PPP3CA: variants seen among roughly 807,000 people sequenced by gnomAD.
PPP3CA encodes the protein protein phosphatase 3 catalytic subunit alpha.
PPP3CA carries 14 observed loss-of-function variants against 66.5 expected under a neutral mutation model. The observed-to-expected ratio is 0.21, with a 90% CI of 0.14 to 0.33. The LOEUF is 0.33. PPP3CA is among the 10% of genes least tolerant of loss of function. The pLI is 1.00. For synonymous variants in PPP3CA, 232 were observed against 226.2 expected (o/e 1.03, Z -0.23); for missense variants, 317 against 639.5 (o/e 0.50, Z 5.44).
At chr4:101,309,637 A>C (rs1206524844) in intron 1 of PPP3CA, among the ~76,000 whole-genome samples, 2 of 152,160 alleles carry the variant, frequency 1.3e-5, no homozygotes, top group Non-Finnish European at 2.9e-5. Context: ...AAACAGAAAA[A>C]TATATATCTG....
intron 2 of PPP3CA, among the ~76,000 whole-genome samples, chr4:101,148,393 C>A (rs1723033800): frequency 6.6e-6 from 1 of 151,866 alleles, no homozygotes; most frequent in African/African-American, 2.4e-5. Flanking sequence ...AACTCAGTTG[C>A]CGTAGTTAGG....
intron 1 of PPP3CA, among the ~76,000 whole-genome samples, chr4:101,238,811 A>G (rs1367236937): frequency 6.6e-6 from 1 of 152,190 alleles, no homozygotes; most frequent in East Asian, 1.9e-4. Context: ...CCTACCCTTC[A>G]ACTAGCCTTC....
chr4:101,137,983 T>C (rs1410476719), intron 2 of PPP3CA, among the ~76,000 whole-genome samples: 1 of 152,010 alleles, frequency 6.6e-6, no homozygotes, highest in African/African-American at 2.4e-5. Flanking sequence ...ATAAAACAGG[T>C]CACTAACAAG....
intron 11 of PPP3CA, among the ~76,000 whole-genome samples, chr4:101,032,577 A>T (rs918840464): frequency 6.6e-5 from 10 of 152,130 alleles, no homozygotes; most frequent in African/African-American, 2.2e-4. Context: ...TAAAGTTTAC[A>T]TTATCCAATT....
intron 8 of PPP3CA, among the ~76,000 whole-genome samples, chr4:101,066,625 TAGTA>T (rs1449027082): frequency 6.6e-6 from 1 of 152,060 alleles, no homozygotes; most frequent in Non-Finnish European, 1.5e-5. Flanking sequence ...AACCTTACAT[TAGTA>T]AGTTACTCAA....
At chr4:101,029,487 CACTT>C (rs200861595) in intron 12 of PPP3CA, among the ~76,000 whole-genome samples, 1 of 149,998 alleles carries the variant, frequency 6.7e-6, no homozygotes, top group East Asian at 2.0e-4. Context: ...TTTAGGAAAA[CACTT>C]AGGAAAATTT....
At chr4:101,315,140 T>C (rs1004746961) in intron 1 of PPP3CA, among the ~76,000 whole-genome samples, 1 of 152,088 alleles carries the variant, frequency 6.6e-6, no homozygotes, top group African/African-American at 2.4e-5. Flanking sequence ...GGGATTCACG[T>C]CTTTAAAAAA....
intron 1 of PPP3CA, among the ~76,000 whole-genome samples, chr4:101,211,239 G>C (rs1725288958): frequency 6.6e-6 from 1 of 152,140 alleles, no homozygotes; most frequent in Non-Finnish European, 1.5e-5. Flanking sequence ...CTGTAGATAA[G>C]TGACTCATCC....
chr4:101,202,330 T>C (rs1724993665), intron 1 of PPP3CA, among the ~76,000 whole-genome samples: 1 of 152,194 alleles, frequency 6.6e-6, no homozygotes, highest in Non-Finnish European at 1.5e-5. Context: ...ATACGTGAAT[T>C]CTGATTCTAC....
chr4:101,252,913 G>C (rs1342221005), intron 1 of PPP3CA, among the ~76,000 whole-genome samples: 1 of 152,148 alleles, frequency 6.6e-6, no homozygotes, highest in East Asian at 1.9e-4. Flanking sequence ...GGAGAAGCAA[G>C]GCTGTTAGCC....
intron 1 of PPP3CA, among the ~76,000 whole-genome samples, chr4:101,343,715 C>A (rs1446843341): frequency 6.6e-6 from 1 of 152,128 alleles, no homozygotes; most frequent in Non-Finnish European, 1.5e-5. Context: ...CCATCATTCT[C>A]TTTCATTTTT....
In PPP3CA at chr4:101,023,814, G is replaced by A. The variant is rs1726493205; in HGVS notation, c.*2051C>T. ...GGCATACTTTATTATATAAAACAAA[G>A]TGCACTAAAGATGAACAATGTTACA... On this transcript the variant is annotated 3_prime_UTR_variant, in exon 14 of 14. Coordinates refer to ENST00000394854, the MANE Select transcript of PPP3CA (RefSeq NM_000944.5). 1 of 152,590 alleles carries A rather than the reference G, an allele frequency of 6.6e-6. No homozygotes were observed. The highest frequency in any genetic ancestry group is 1.5e-5 in the Non-Finnish European group (1 of 68,032). The allele number at this position is 152,590 out of a possible 1,614,324, so 9.5% of individuals were successfully genotyped here.
chr4:101,238,727 T>A (rs1376173849), intron 1 of PPP3CA, among the ~76,000 whole-genome samples: 2 of 152,036 alleles, frequency 1.3e-5, no homozygotes, highest in Non-Finnish European at 2.9e-5. Context: ...CTTAATCGTT[T>A]TGGTGGGAAG....
intron 2 of PPP3CA, among the ~76,000 whole-genome samples, chr4:101,177,256 C>G (rs1201349147): frequency 6.6e-6 from 1 of 152,096 alleles, no homozygotes; most frequent in Non-Finnish European, 1.5e-5. Flanking sequence ...GGAGGAAACC[C>G]TGATTAGACT....
In PPP3CA at chr4:101,040,514, T is replaced by A. The variant is rs1367715617; in HGVS notation, c.1209A>T (p.Ile403=). 6.2e-7 allele frequency: 1 copy of A among 1,613,494 alleles called. No homozygotes were observed. Among genetic ancestry groups the A allele is most frequent in the Non-Finnish European group, 8.5e-7 (1 of 1,179,792 alleles). Residue 403 remains isoleucine (I), a synonymous_variant, in exon 11 of 14, where the codon ATA becomes ATT. Coordinates refer to ENST00000394854, the MANE Select transcript of PPP3CA (RefSeq NM_000944.5). ...CTGAGAACACTCTGGCCATTTTGCC[T>A]ATTGCTCGGATCTTGTTCCTTATCA... ...KEVIRNKIRA[I]GKMARVFSVL... is the part of the protein sequence containing the mutation.
chr4:101,124,030 T>C (rs1403553261), intron 2 of PPP3CA, among the ~76,000 whole-genome samples: 1 of 152,194 alleles, frequency 6.6e-6, no homozygotes, highest in African/African-American at 2.4e-5. Flanking sequence ...TTAGCACCAC[T>C]TGATTAGAAC....
chr4:101,198,230 G>T (rs1006153064), intron 1 of PPP3CA, among the ~76,000 whole-genome samples: 1 of 151,996 alleles, frequency 6.6e-6, no homozygotes, highest in African/African-American at 2.4e-5. Context: ...GCTTTTCCTC[G>T]CTTGACTGAT....
At chr4:101,185,501 G>C (rs773989012) in intron 2 of PPP3CA, among the ~76,000 whole-genome samples, 2 of 152,110 alleles carry the variant, frequency 1.3e-5, no homozygotes, top group Non-Finnish European at 2.9e-5. Context: ...TAAAAACTAT[G>C]TATTCACTTT....
intron 1 of PPP3CA, 40 bp downstream of exon 1, chr4:101,346,699 G>A: frequency 6.3e-7 from 1 of 1,579,004 alleles, no homozygotes; most frequent in African/African-American, 1.3e-5. Flanking sequence ...TGGCGCCTGC[G>A]GCACACGGTG....
Sources: allele counts gnomAD v4.1 joint callset (sites outside exome capture counted in the v4.1 genomes callset), GRCh38; gene constraint gnomAD v4.1.1; transcripts MANE v1.5; gene names NCBI Gene and HGNC (gene_info 2026-07-23, HGNC 2026-07-21).